The following SOX6 variants were observed in gnomAD, a reference collection of about 807,000 sequenced individuals.
SOX6 encodes the protein transcription factor SOX-6.
In SOX6, 11 loss-of-function variants were observed where a neutral mutation model predicts 97.8. The observed-to-expected ratio is 0.11, with a 90% CI of 0.07 to 0.19. SOX6 has a LOEUF of 0.19. Among genes scored for constraint, SOX6 ranks in the 10% least tolerant of loss-of-function variants. The pLI, the probability that SOX6 is intolerant of heterozygous loss-of-function variation, is 1.00. For synonymous variants in SOX6, 360 were observed against 371.4 expected, an observed-to-expected ratio of 0.97 and a Z score of 0.35; for missense variants, 810 against 1,039.5, an observed-to-expected ratio of 0.78 and a Z score of 3.04.
At chr11:16,385,676 G>A (rs990136422) in intron 1 of SOX6, among the ~76,000 whole-genome samples, 1 of 152,104 alleles carries the variant, frequency 6.6e-6, no homozygotes, top group East Asian at 1.9e-4. Flanking sequence ...GTGATCACAA[G>A]AGACGCTAAG....
At chr11:16,462,332 G>T (rs955176156) in intron 1 of SOX6, among the ~76,000 whole-genome samples, 1 of 152,222 alleles carries the variant, frequency 6.6e-6, no homozygotes, top group African/African-American at 2.4e-5. Flanking sequence ...GATAGTTATT[G>T]CTTCACATCT....
chr11:16,197,200 A>G (rs767153159), intron 4 of SOX6, among the ~76,000 whole-genome samples: 34 of 152,090 alleles, frequency 2.2e-4, no homozygotes, highest in Middle Eastern at 3.4e-3. Flanking sequence ...CTGTCATGAA[A>G]CACATCCCTG....
chr11:15,989,684 C>A (rs1853984002), intron 13 of SOX6, among the ~76,000 whole-genome samples: 1 of 152,132 alleles, frequency 6.6e-6, no homozygotes, highest in Non-Finnish European at 1.5e-5. Context: ...GACACTTCTC[C>A]TACTCTTTCA....
intron 6 of SOX6, among the ~76,000 whole-genome samples, chr11:16,170,884 A>C (rs1417776645): frequency 6.6e-6 from 1 of 151,896 alleles, no homozygotes; most frequent in African/African-American, 2.4e-5. Flanking sequence ...TTCATTTCCC[A>C]CCTATTTCTC....
chr11:16,703,842 T>C (rs923987371), intron 3 of SOX6, among the ~76,000 whole-genome samples: 2 of 152,296 alleles, frequency 1.3e-5, no homozygotes, highest in Middle Eastern at 3.4e-3. Context: ...AACTTTTCTA[T>C]TTTTCTCTCA....
chr11:16,440,688 G>A (rs1269850162), intron 1 of SOX6, among the ~76,000 whole-genome samples: 2 of 152,096 alleles, frequency 1.3e-5, no homozygotes, highest in East Asian at 3.9e-4. Flanking sequence ...CCTGCAGCAA[G>A]TTTAACAAAG....
intron 6 of SOX6, among the ~76,000 whole-genome samples, chr11:16,137,288 T>C (rs990828444): frequency 6.6e-6 from 1 of 151,962 alleles, no homozygotes; most frequent in Admixed American, 6.6e-5. Flanking sequence ...TAGCTGGACA[T>C]GGTGGCATGC....
chr11:16,402,818 T>C, intron 1 of SOX6: 2 of 1,561,760 alleles, frequency 1.3e-6, no homozygotes, highest in Non-Finnish European at 1.7e-6. Flanking sequence ...TCCTTGAAGC[T>C]CACCATGACC....
rs115457428 is a variant in SOX6 at position 16,406,630 on chromosome 11, C to T, written c.-4-65378G>A. Among the ~76,000 whole-genome samples the T allele has an allele frequency of 2.4e-3, 362 of 152,182 alleles. 5 individuals carry two copies. Among genetic ancestry groups the T allele is most frequent in the African/African-American group, 8.2e-3 (340 of 41,540 alleles). On this transcript the variant is annotated intron_variant, in intron 1 of 15. Transcript: ENST00000396356. ...CTAACATCCCATTGGCCAACGTAAG[C>T]TAAATGACTGATCTCAGAGTCTAGT...
chr11:16,510,857 G>A (rs1860870630), intron 4 of SOX6, among the ~76,000 whole-genome samples: 1 of 152,014 alleles, frequency 6.6e-6, no homozygotes, highest in Non-Finnish European at 1.5e-5. Context: ...CATTTTCCAT[G>A]TGGGTAAACT....
chr11:16,056,955 A>C (rs1255144646), intron 9 of SOX6, among the ~76,000 whole-genome samples: 1 of 152,154 alleles, frequency 6.6e-6, no homozygotes, highest in Non-Finnish European at 1.5e-5. Flanking sequence ...AGGTTTTAAA[A>C]AACAAAAAAC....
At chr11:16,021,545 T>C (rs188632123) in intron 12 of SOX6, among the ~76,000 whole-genome samples, 1 of 152,254 alleles carries the variant, frequency 6.6e-6, no homozygotes. Flanking sequence ...GAGGGAATTA[T>C]TTTAGAGGTA....
intron 4 of SOX6, among the ~76,000 whole-genome samples, chr11:16,225,764 T>G (rs1360778400): frequency 6.6e-6 from 1 of 152,188 alleles, no homozygotes; most frequent in South Asian, 2.1e-4. Flanking sequence ...CCATGACTTT[T>G]GTGTTTCTGT....
chr11:16,620,464 G>A (rs1848529911), intron 3 of SOX6, among the ~76,000 whole-genome samples: 1 of 152,066 alleles, frequency 6.6e-6, no homozygotes, highest in Admixed American at 6.6e-5. Flanking sequence ...ATCAGCACTG[G>A]AAAACCCTAC....
chr11:16,500,231 G>A (rs572742889), intron 4 of SOX6, among the ~76,000 whole-genome samples: 1 of 152,276 alleles, frequency 6.6e-6, no homozygotes, highest in Admixed American at 6.5e-5. Context: ...CTCAATAGAT[G>A]CAGAAAAGGC....
chr11:16,473,538 G>A (rs1860179640), intron 1 of SOX6, among the ~76,000 whole-genome samples: 1 of 150,354 alleles, frequency 6.7e-6, no homozygotes, highest in Non-Finnish European at 1.5e-5. Context: ...AGTGGCTGTG[G>A]GCTGTGACAA....
intron 4 of SOX6, among the ~76,000 whole-genome samples, chr11:16,560,448 T>C (rs1313844665): frequency 6.8e-6 from 1 of 147,888 alleles, no homozygotes; most frequent in Non-Finnish European, 1.5e-5. Context: ...CATATATGTT[T>C]ATACGTACAT....
intron 1 of SOX6, among the ~76,000 whole-genome samples, chr11:16,737,198 CTTA>C (rs1848397983): frequency 6.6e-6 from 1 of 152,026 alleles, no homozygotes; most frequent in South Asian, 2.1e-4. Context: ...ATCCATACCA[CTTA>C]TTATTTATTT....
intron 1 of SOX6, among the ~76,000 whole-genome samples, chr11:16,443,261 T>C (rs563790178): frequency 1.3e-5 from 2 of 152,284 alleles, no homozygotes; most frequent in South Asian, 2.1e-4. Flanking sequence ...TGCTATGATT[T>C]CTCCTTTACT....
Sources: gnomAD v4.1 joint callset for allele counts (sites outside exome capture counted in the v4.1 genomes callset) on GRCh38, gnomAD v4.1.1 for gene constraint, MANE v1.5 for transcripts, NCBI Gene and HGNC (gene_info 2026-07-23, HGNC 2026-07-21) for gene names.